Variants in SHQ1 observed in about 807,000 individuals in gnomAD.
SHQ1 encodes protein SHQ1 homolog.
Under a neutral mutation model 53.8 loss-of-function variants are expected in SHQ1, and 49 were observed. That is an observed-to-expected ratio of 0.91 (90% CI 0.72 to 1.16). The LOEUF (loss-of-function observed/expected upper bound fraction) is 1.16, where lower values mean the gene tolerates loss of function less well. SHQ1 is among the 50% of genes most tolerant of loss of function. The pLI is 0.00. For missense variants in SHQ1, 738 were observed against 683.1 expected (o/e 1.08, Z -0.90); for synonymous variants, 243 against 251.0 (o/e 0.97, Z 0.30).
At chr3:72,822,807 C>G (rs183290183) in intron 6 of SHQ1, among the ~76,000 whole-genome samples, 80 of 152,236 alleles carry the variant, frequency 5.3e-4, no homozygotes, top group African/African-American at 1.9e-3. Context: ...TGCTTAAACT[C>G]AAATATAAAA....
intron 10 of SHQ1, among the ~76,000 whole-genome samples, chr3:72,761,704 C>A (rs62251651): frequency 6.6e-6 from 1 of 152,152 alleles, no homozygotes; most frequent in Admixed American, 6.5e-5. Context: ...GAGATAGGTA[C>A]TATTATTATC....
chr3:72,756,795 AAAT>A (rs1215693537), intron 10 of SHQ1, among the ~76,000 whole-genome samples: 1 of 152,238 alleles, frequency 6.6e-6, no homozygotes, highest in African/African-American at 2.4e-5. Flanking sequence ...TGCATATGTG[AAAT>A]AATATCCTAT....
chr3:72,731,569 T>C, the SHQ1 span, among the ~76,000 whole-genome samples: 3 of 150,348 alleles, frequency 2.0e-5, no homozygotes, highest in African/African-American at 7.4e-5. Context: ...GCACCTGTAA[T>C]CCCAGCTACT....
chr3:72,735,825 T>C, the SHQ1 span, among the ~76,000 whole-genome samples: 1 of 146,800 alleles, frequency 6.8e-6, no homozygotes, highest in Admixed American at 6.8e-5. Context: ...TGACTGAAGG[T>C]CCAGGGTGGA....
chr3:72,837,474 A>G (rs1173862152), intron 4 of SHQ1, among the ~76,000 whole-genome samples: 1 of 152,192 alleles, frequency 6.6e-6, no homozygotes, highest in East Asian at 1.9e-4. Context: ...GTATATTTTT[A>G]TAATAAATCT....
chr3:72,755,680 T>A (rs1397897011), intron 10 of SHQ1, among the ~76,000 whole-genome samples: 1 of 152,200 alleles, frequency 6.6e-6, no homozygotes, highest in Non-Finnish European at 1.5e-5. Context: ...TGTTTTGTTT[T>A]TTTCAACCAC....
intron 8 of SHQ1, among the ~76,000 whole-genome samples, chr3:72,814,982 T>A (rs984524598): frequency 2.0e-5 from 3 of 151,352 alleles, no homozygotes; most frequent in Non-Finnish European, 4.4e-5. Context: ...TTATTTTTCG[T>A]GTGTGTGTGT....
At chr3:72,733,647 A>G in the SHQ1 span, among the ~76,000 whole-genome samples, 3 of 151,570 alleles carry the variant, frequency 2.0e-5, no homozygotes, top group East Asian at 5.8e-4. Context: ...TTTCACAGAC[A>G]TATAAATTGA....
intron 7 of SHQ1, 71 bp from the exon 8 acceptor site, chr3:72,815,474 C>T: frequency 3.4e-6 from 4 of 1,181,480 alleles, no homozygotes; most frequent in East Asian, 4.7e-5. Context: ...CAAACAAATC[C>T]ATTTATTCAA....
chr3:72,839,443 A>G (rs1348131672), intron 4 of SHQ1, among the ~76,000 whole-genome samples: 1 of 152,232 alleles, frequency 6.6e-6, no homozygotes, highest in Non-Finnish European at 1.5e-5. Flanking sequence ...AGTAAATCTC[A>G]ATGTTGTTCC....
At chr3:72,750,984 G>T (rs963147420) in intron 10 of SHQ1, 148 bp from the exon 11 acceptor site, 3 of 600,164 alleles carry the variant, frequency 5.0e-6, no homozygotes, top group Non-Finnish European at 8.0e-6. Flanking sequence ...AGATATTTAT[G>T]TAAAAAATGA....
chr3:72,727,793 G>A, the SHQ1 span, among the ~76,000 whole-genome samples: 1 of 152,156 alleles, frequency 6.6e-6, no homozygotes, highest in Non-Finnish European at 1.5e-5. Flanking sequence ...CACCTTGTGG[G>A]TAGTGGGATG....
chr3:72,793,131 A>G, intron 9 of SHQ1, 95 bp from the exon 10 acceptor site: 1 of 1,124,518 alleles, frequency 8.9e-7, no homozygotes, highest in East Asian at 2.5e-5. Context: ...AATCCTGATC[A>G]TTTCTTAAGA....
chr3:72,764,042 A>G (rs1356456659), intron 10 of SHQ1, among the ~76,000 whole-genome samples: 1 of 152,000 alleles, frequency 6.6e-6, no homozygotes, highest in Non-Finnish European at 1.5e-5. Context: ...AAAAATAGCA[A>G]CAGCAAGGCA....
chr3:72,831,720 G>T (rs1056631695), intron 5 of SHQ1, among the ~76,000 whole-genome samples: 9 of 152,168 alleles, frequency 5.9e-5, no homozygotes, highest in African/African-American at 2.2e-4. Context: ...CCAGTGGGAG[G>T]TATCACAATC....
intron 9 of SHQ1, among the ~76,000 whole-genome samples, chr3:72,797,850 T>C (rs893458820): frequency 6.6e-6 from 1 of 152,224 alleles, no homozygotes; most frequent in Non-Finnish European, 1.5e-5. Flanking sequence ...CGTAGATGAC[T>C]ACAGCATCAC....
intron 10 of SHQ1, among the ~76,000 whole-genome samples, chr3:72,765,557 A>ATATATATATT (rs1491527508): frequency 1.5e-3 from 84 of 57,162 alleles, no homozygotes; most frequent in African/African-American, 4.8e-3. Context: ...ATATATATAT[A>ATATATATATT]TTTTTTTTTT....
chr3:72,806,217 TCCGGA>T (rs1358383757), intron 9 of SHQ1, among the ~76,000 whole-genome samples: 1 of 152,170 alleles, frequency 6.6e-6, no homozygotes, highest in Non-Finnish European at 1.5e-5. Flanking sequence ...GGAAGGAGAA[TCCGGA>T]GTTCTCCCTT....
At chr3:72,791,864 CTTAA>C (rs1286770577) in intron 10 of SHQ1, among the ~76,000 whole-genome samples, 6 of 152,050 alleles carry the variant, frequency 3.9e-5, no homozygotes, top group East Asian at 1.9e-4. Context: ...TTTATAGATT[CTTAA>C]TTAATAGCCT....
Sources: allele counts gnomAD v4.1 joint callset (sites outside exome capture counted in the v4.1 genomes callset), GRCh38; gene constraint gnomAD v4.1.1; transcripts MANE v1.5; gene names NCBI Gene and HGNC (gene_info 2026-07-23, HGNC 2026-07-21).